Variants in MTUS2 observed in about 807,000 individuals in gnomAD.
MTUS2 encodes microtubule-associated tumor suppressor candidate 2.
A neutral mutation model predicts 114.1 loss-of-function variants in MTUS2; 40 were observed. The observed-to-expected ratio is 0.35, with a 90% CI of 0.27 to 0.46. MTUS2 has a LOEUF of 0.46. MTUS2 is among the 20% of genes least tolerant of loss of function. MTUS2 has a pLI of 1.00. For synonymous variants in MTUS2, 688 were observed against 672.0 expected (o/e 1.02, Z -0.37); for missense variants, 1,679 against 1,705.4 (o/e 0.98, Z 0.27).
chr13:29,270,844 G>A (rs529527585), intron 5 of MTUS2, among the ~76,000 whole-genome samples: 3 of 152,284 alleles, frequency 2.0e-5, no homozygotes, highest in South Asian at 4.1e-4. Flanking sequence ...AGCAGATGGC[G>A]GGCACATGAG....
intron 2 of MTUS2, among the ~76,000 whole-genome samples, chr13:28,943,993 CT>C (rs1404619966): frequency 6.6e-6 from 1 of 151,492 alleles, no homozygotes; most frequent in African/African-American, 2.4e-5. Flanking sequence ...TTTTTGTTTG[CT>C]TTTTTTTGTA....
intron 5 of MTUS2, among the ~76,000 whole-genome samples, chr13:29,176,531 T>G (rs1171110542): frequency 6.6e-6 from 1 of 152,106 alleles, no homozygotes; most frequent in African/African-American, 2.4e-5. Flanking sequence ...CAACAGAAAT[T>G]TATTTCTCAC....
At chr13:29,327,324 C>T (rs1900564635) in intron 7 of MTUS2, among the ~76,000 whole-genome samples, 1 of 152,114 alleles carries the variant, frequency 6.6e-6, no homozygotes, top group African/African-American at 2.4e-5. Context: ...AAACCATCAT[C>T]CCATGCAAGA....
intron 5 of MTUS2, among the ~76,000 whole-genome samples, chr13:29,157,575 G>A (rs1566037619): frequency 6.6e-6 from 1 of 152,054 alleles, no homozygotes; most frequent in African/African-American, 2.4e-5. Flanking sequence ...GAGGATGAGT[G>A]AAACCCCAGC....
intron 5 of MTUS2, among the ~76,000 whole-genome samples, chr13:29,218,151 A>AAAAC (rs200780133): frequency 0.024 from 3,598 of 147,540 alleles, 142 homozygotes; most frequent in African/African-American, 0.085. Context: ...AAAACAAAAC[A>AAAAC]AAAAAAAAAC....
chr13:29,335,441 C>T (rs150735023), intron 7 of MTUS2, among the ~76,000 whole-genome samples: 2,212 of 152,232 alleles, frequency 0.015, 17 homozygotes, highest in Middle Eastern at 0.054. Context: ...GTGATCTTGC[C>T]CTGCCTCCAT....
At chr13:29,364,632 T>C (rs1457683746) in intron 8 of MTUS2, among the ~76,000 whole-genome samples, 1 of 152,204 alleles carries the variant, frequency 6.6e-6, no homozygotes, top group Non-Finnish European at 1.5e-5. Context: ...GCTTTATCTG[T>C]TTAATGCATT....
chr13:29,326,656 T>C (rs1377625273), intron 7 of MTUS2, among the ~76,000 whole-genome samples: 1 of 152,148 alleles, frequency 6.6e-6, no homozygotes, highest in Non-Finnish European at 1.5e-5. Flanking sequence ...ATGACTTACA[T>C]GAACTATACT....
At chr13:28,864,156 T>C (rs1250667593) in intron 2 of MTUS2, among the ~76,000 whole-genome samples, 1 of 152,182 alleles carries the variant, frequency 6.6e-6, no homozygotes, top group Non-Finnish European at 1.5e-5. Flanking sequence ...TGAAGATTCA[T>C]TCAGGTGAAT....
At chr13:28,914,239 T>C (rs1880621343) in intron 2 of MTUS2, among the ~76,000 whole-genome samples, 1 of 152,166 alleles carries the variant, frequency 6.6e-6, no homozygotes, top group Admixed American at 6.5e-5. Flanking sequence ...TTCAGTGCTA[T>C]AAATTTTCCT....
At chr13:29,112,873 A>G (rs1035377330) in intron 5 of MTUS2, among the ~76,000 whole-genome samples, 2 of 152,182 alleles carry the variant, frequency 1.3e-5, no homozygotes, top group African/African-American at 4.8e-5. Flanking sequence ...ATTAAGAAGT[A>G]GAGTTTTTGC....
rs371035397 is a variant in MTUS2 at position 28,967,503 on chromosome 13, C to T, written c.-242-56954C>T. On this transcript the variant is annotated intron_variant, in intron 2 of 15. Coordinates refer to ENST00000612955, the MANE Select transcript of MTUS2 (RefSeq NM_001033602.4). ...GACTCTTGATTTACCCAACAGAGAA[C>T]GTGCTGTAGGAACTAAAGCATCTGT... is the stretch of plus-strand genomic sequence containing the variant. Among the ~76,000 whole-genome samples the T allele has an allele frequency of 3.7e-4, 56 of 152,306 alleles. 2 individuals are homozygous for T. The South Asian group carries it at 5.6e-3, about 15-fold the overall frequency.
intron 5 of MTUS2, among the ~76,000 whole-genome samples, chr13:29,251,318 T>TAAA (rs1555256792): frequency 2.6e-5 from 4 of 151,224 alleles, no homozygotes; most frequent in Middle Eastern, 3.4e-3. Context: ...ATAATAATAA[T>TAAA]AAATGCCTAC....
chr13:28,949,813 A>G (rs1366459979), intron 2 of MTUS2, among the ~76,000 whole-genome samples: 1 of 150,972 alleles, frequency 6.6e-6, no homozygotes, highest in African/African-American at 2.5e-5. Context: ...GCTGAATGAT[A>G]TTCCACTGTA....
At chr13:29,386,288 C>A (rs1202794894) in intron 8 of MTUS2, among the ~76,000 whole-genome samples, 2 of 152,160 alleles carry the variant, frequency 1.3e-5, no homozygotes, top group South Asian at 2.1e-4. Context: ...GTGAATACTA[C>A]AAAGACAGCC....
In MTUS2 at chr13:29,504,212, A is replaced by G; in HGVS notation, c.*1006A>G. On this transcript the variant is annotated 3_prime_UTR_variant, in exon 16 of 16. Coordinates refer to ENST00000612955, the MANE Select transcript of MTUS2 (RefSeq NM_001033602.4). ...AGGTCTGTATTTTGACCAGGCACAG[A>G]GGGGGAACATCACTCCAGCTTTCCA... 1 of 232,370 alleles carries G rather than the reference A, an allele frequency of 4.3e-6. No homozygotes were observed. 14.4% of individuals were successfully genotyped at this position (232,370 alleles called of 1,614,324 possible).
Position 28,829,192 on chromosome 13 carries a change from T to A in MTUS2, c.-316+8581T>A, listed in dbSNP as rs113064749. 4.2e-3 allele frequency among the ~76,000 whole-genome samples: 641 copies of A among 152,284 alleles called. 2 individuals are homozygous for A. The highest frequency in any genetic ancestry group is 7.1e-3 in the Non-Finnish European group (481 of 68,016). On this transcript the variant is annotated intron_variant, in intron 1 of 15. Transcript: ENST00000612955. ...CTTTGTCATTTTTAAACTTACCTTA[T>A]TCCCATTCCTTCATCCGCAGCTCCA...
At chr13:29,157,820 G>GATATAGATACAGATA (rs1892926332) in intron 5 of MTUS2, among the ~76,000 whole-genome samples, 1 of 115,372 alleles carries the variant, frequency 8.7e-6, no homozygotes, top group Non-Finnish European at 2.2e-5. Flanking sequence ...AGATATAGAT[G>GATATAGATACAGATA]TAGATATAGA....
At chr13:29,282,399 T>C (rs1240601261) in intron 6 of MTUS2, among the ~76,000 whole-genome samples, 1 of 152,214 alleles carries the variant, frequency 6.6e-6, no homozygotes. Context: ...GCAAAACTGA[T>C]CCCTGTGCCC....
Sources: allele counts gnomAD v4.1 joint callset (sites outside exome capture counted in the v4.1 genomes callset), GRCh38; gene constraint gnomAD v4.1.1; transcripts MANE v1.5; gene names NCBI Gene and HGNC (gene_info 2026-07-23, HGNC 2026-07-21).